The following GPC5 variants were observed in gnomAD, a reference collection of about 807,000 sequenced individuals.
GPC5 encodes the protein glypican 5, also known as glypican-5.
A neutral mutation model predicts 53.9 loss-of-function variants in GPC5; 47 were observed. The observed-to-expected ratio is 0.87, with a 90% confidence interval of 0.69 to 1.11. The LOEUF is 1.11. Ranked by LOEUF, GPC5 falls within the 50% of genes most tolerant of loss-of-function variation. The pLI is 0.00. For synonymous variants in GPC5, 286 were observed against 263.3 expected (o/e 1.09, Z -0.84); for missense variants, 748 against 713.1 (o/e 1.05, Z -0.56).
At chr13:91,474,209 T>A (rs1437862953) in intron 2 of GPC5, among the ~76,000 whole-genome samples, 7 of 152,166 alleles carry the variant, frequency 4.6e-5, no homozygotes, top group Non-Finnish European at 1.0e-4. Flanking sequence ...TAAATCTATT[T>A]TATTCTTGGC....
At chr13:92,446,072 A>G (rs1426107861) in intron 7 of GPC5, among the ~76,000 whole-genome samples, 1 of 152,174 alleles carries the variant, frequency 6.6e-6, no homozygotes, top group Non-Finnish European at 1.5e-5. Flanking sequence ...TATCACCTCA[A>G]GCATTTATCT....
At chr13:92,054,561 A>G (rs986959236) in intron 6 of GPC5, among the ~76,000 whole-genome samples, 5 of 152,190 alleles carry the variant, frequency 3.3e-5, no homozygotes, top group Admixed American at 1.3e-4. Flanking sequence ...GATGTCAATG[A>G]GCCCAAGTTA....
At chr13:91,900,375 A>T (rs780274239) in intron 5 of GPC5, among the ~76,000 whole-genome samples, 59 of 152,252 alleles carry the variant, frequency 3.9e-4, no homozygotes, top group Non-Finnish European at 6.9e-4. Flanking sequence ...AAATCAGTAC[A>T]AAGTGGTGAT....
chr13:92,262,898 G>A (rs16947195), intron 7 of GPC5, among the ~76,000 whole-genome samples: 2,141 of 152,078 alleles, frequency 0.014, 43 homozygotes, highest in African/African-American at 0.049. Context: ...CCTTTGAGTA[G>A]GCTAAGCCTT....
chr13:92,047,472 A>T (rs1357760504), intron 6 of GPC5, among the ~76,000 whole-genome samples: 25 of 151,022 alleles, frequency 1.7e-4, no homozygotes, highest in Admixed American at 1.6e-3. Context: ...ATGATCATCC[A>T]GTGAGCCTTG....
chr13:91,876,941 C>A (rs762673870), intron 5 of GPC5, among the ~76,000 whole-genome samples: 56 of 152,294 alleles, frequency 3.7e-4, no homozygotes, highest in Non-Finnish European at 7.2e-4. Context: ...TGCCCTGTGT[C>A]TCAGCCACTC....
chr13:92,487,375 G>A (rs1280568961), intron 7 of GPC5, among the ~76,000 whole-genome samples: 1 of 152,128 alleles, frequency 6.6e-6, no homozygotes, highest in Non-Finnish European at 1.5e-5. Context: ...ACTGCCTGAA[G>A]GGAATTTATA....
chr13:91,587,571 G>C (rs914211745), intron 2 of GPC5, among the ~76,000 whole-genome samples: 6 of 152,078 alleles, frequency 3.9e-5, no homozygotes, highest in South Asian at 2.1e-4. Flanking sequence ...AAATATTTTA[G>C]AGGGACTTCT....
chr13:92,649,485 C>A (rs1165207026), intron 7 of GPC5, among the ~76,000 whole-genome samples: 1 of 152,098 alleles, frequency 6.6e-6, no homozygotes, highest in Non-Finnish European at 1.5e-5. Context: ...AGTTTCAAAT[C>A]ATAATGCATA....
intron 6 of GPC5, among the ~76,000 whole-genome samples, chr13:92,008,463 A>G (rs1490177664): frequency 6.6e-6 from 1 of 151,500 alleles, no homozygotes; most frequent in Non-Finnish European, 1.5e-5. Context: ...CCCCATGAGG[A>G]AGCATCTCTT....
chr13:91,798,494 A>G (rs1055680622), intron 5 of GPC5, among the ~76,000 whole-genome samples: 15 of 152,146 alleles, frequency 9.9e-5, no homozygotes, highest in African/African-American at 3.6e-4. Context: ...TTCCAGCTCC[A>G]TCCATGTCCC....
intron 2 of GPC5, among the ~76,000 whole-genome samples, chr13:91,606,067 T>C (rs1464786648): frequency 9.7e-4 from 106 of 108,718 alleles, no homozygotes; most frequent in Non-Finnish European, 1.3e-3. Flanking sequence ...TTTTTGCCCA[T>C]TCAGTATGAT....
chr13:92,409,135 TAAAC>T (rs1388008396), intron 7 of GPC5, among the ~76,000 whole-genome samples: 1 of 151,930 alleles, frequency 6.6e-6, no homozygotes, highest in Non-Finnish European at 1.5e-5. Flanking sequence ...GAGCTAAAAT[TAAAC>T]AAATATATTT....
At chr13:92,658,610 TG>T (rs771244982) in intron 7 of GPC5, among the ~76,000 whole-genome samples, 19 of 152,198 alleles carry the variant, frequency 1.2e-4, no homozygotes, top group Non-Finnish European at 2.4e-4. Context: ...GTTTTGTTGT[TG>T]TTGTTTCTGT....
chr13:91,796,568 T>G (rs1271180114), intron 5 of GPC5, among the ~76,000 whole-genome samples: 2 of 152,198 alleles, frequency 1.3e-5, no homozygotes, highest in Non-Finnish European at 2.9e-5. Flanking sequence ...TTCTTTACCT[T>G]CTGCTTTTAG....
intron 7 of GPC5, among the ~76,000 whole-genome samples, chr13:92,362,791 T>A (rs1439102095): frequency 1.3e-5 from 2 of 151,738 alleles, no homozygotes; most frequent in Non-Finnish European, 2.9e-5. Context: ...TAAAAACAAA[T>A]CTCTGTGTTG....
chr13:92,283,829 G>A (rs1459415385), intron 7 of GPC5, among the ~76,000 whole-genome samples: 1 of 152,170 alleles, frequency 6.6e-6, no homozygotes, highest in East Asian at 1.9e-4. Flanking sequence ...CACATTAAAA[G>A]AACTAGAGAA....
intron 7 of GPC5, among the ~76,000 whole-genome samples, chr13:92,268,569 G>A (rs1188048236): frequency 6.6e-6 from 1 of 151,006 alleles, no homozygotes; most frequent in Non-Finnish European, 1.5e-5. Context: ...TGGATATTTA[G>A]GTAATATCTT....
rs146603095 is a variant in GPC5, at chr13:91,907,194, C to A, written c.1281-743C>A. Among the ~76,000 whole-genome samples, 544 of 148,908 alleles carry A rather than the reference C, an allele frequency of 3.7e-3. 6 individuals carry two copies. Among genetic ancestry groups the A allele is most frequent in the African/African-American group, 0.013 (525 of 40,920 alleles). On this transcript the variant is annotated intron_variant, in intron 5 of 7. Transcript: ENST00000377067. ...ACTGTTTGTTATTGATGTATACTGC[C>A]AAATCCCTAATGGATACTAGAATTC...
Sources: allele counts gnomAD v4.1 joint callset (sites outside exome capture counted in the v4.1 genomes callset), GRCh38; gene constraint gnomAD v4.1.1; transcripts MANE v1.5; gene names NCBI Gene and HGNC (gene_info 2026-07-23, HGNC 2026-07-21).